Variants in ADAMTS12 observed in about 807,000 individuals in gnomAD.
ADAMTS12 encodes the protein A disintegrin and metalloproteinase with thrombospondin motifs 12.
In ADAMTS12, 118 loss-of-function variants were observed where a neutral mutation model predicts 167.8. The ratio of observed to expected loss-of-function variants is 0.70; its 90% CI spans 0.61 to 0.82. The LOEUF (loss-of-function observed/expected upper bound fraction) is 0.82. ADAMTS12 is among the 40% of genes least tolerant of loss of function. The pLI is 0.00. For synonymous variants in ADAMTS12, 704 were observed against 716.9 expected (o/e 0.98, Z 0.29); for missense variants, 1,916 against 1,998.8 (o/e 0.96, Z 0.79).
chr5:33,849,057 TATATATATATGTATTGCATAGCA>T (rs1460619900), intron 2 of ADAMTS12, among the ~76,000 whole-genome samples: 2 of 112,550 alleles, frequency 1.8e-5, no homozygotes, highest in African/African-American at 7.6e-5. Flanking sequence ...TGCATAGCAA[TATATATATATGTATTGCATAGCA>T]ATATATATAT....
intron 2 of ADAMTS12, among the ~76,000 whole-genome samples, chr5:33,830,688 A>G (rs1748264755): frequency 6.6e-6 from 1 of 152,086 alleles, no homozygotes. Context: ...GCTACTTGGG[A>G]GGCTGAGATG....
At chr5:33,702,127 A>C (rs1002841940) in intron 3 of ADAMTS12, among the ~76,000 whole-genome samples, 1 of 152,212 alleles carries the variant, frequency 6.6e-6, no homozygotes, top group Non-Finnish European at 1.5e-5. Flanking sequence ...GTATTCACAG[A>C]ACCTTAACGA....
At chr5:33,726,222 A>AG (rs2112344201) in intron 3 of ADAMTS12, among the ~76,000 whole-genome samples, 1 of 152,324 alleles carries the variant, frequency 6.6e-6, no homozygotes, top group South Asian at 2.1e-4. Context: ...GAAAGTGTCC[A>AG]GGGGACTAAT....
At chr5:33,756,975 A>C (rs1745193322) in intron 2 of ADAMTS12, among the ~76,000 whole-genome samples, 1 of 152,238 alleles carries the variant, frequency 6.6e-6, no homozygotes, top group African/African-American at 2.4e-5. Flanking sequence ...AGAGAAGCTG[A>C]ATTTTTAATT....
In ADAMTS12 at chr5:33,890,578, T is replaced by C. The variant is rs554912846; in HGVS notation, c.127+1152A>G. Among the ~76,000 whole-genome samples the C allele has an allele frequency of 5.3e-5, 8 of 152,222 alleles. No individual in the cohort carries two copies. In the South Asian group the frequency reaches 1.7e-3, roughly 32 times the overall value. Reference sequence around the variant, plus strand: ...AGGCTGGTGATGTTTATCACCCGAGTGGCCTTGGGAATTAAAGGGATGTCA... The same window carrying C: ...AGGCTGGTGATGTTTATCACCCGAGCGGCCTTGGGAATTAAAGGGATGTCA... On this transcript the variant is annotated intron_variant, in intron 1 of 23. Coordinates refer to ENST00000504830, the MANE Select transcript of ADAMTS12 (RefSeq NM_030955.4).
At chr5:33,610,204 AC>A (rs1738661505) in intron 16 of ADAMTS12, among the ~76,000 whole-genome samples, 1 of 151,786 alleles carries the variant, frequency 6.6e-6, no homozygotes, top group African/African-American at 2.4e-5. Flanking sequence ...AACAACAGCA[AC>A]AACAAAAAAG....
intron 2 of ADAMTS12, among the ~76,000 whole-genome samples, chr5:33,875,253 T>C (rs975306528): frequency 7.9e-5 from 12 of 152,206 alleles, no homozygotes; most frequent in Non-Finnish European, 1.8e-4. Context: ...ATGGTGGATA[T>C]ATGTCATTAT....
intron 3 of ADAMTS12, among the ~76,000 whole-genome samples, chr5:33,744,165 T>C (rs1030153044): frequency 1.3e-5 from 2 of 152,214 alleles, no homozygotes; most frequent in Non-Finnish European, 2.9e-5. Context: ...ACTGAGCTTC[T>C]TGTCTAGGGA....
chr5:33,764,608 A>G (rs2112415135), intron 2 of ADAMTS12, among the ~76,000 whole-genome samples: 1 of 152,340 alleles, frequency 6.6e-6, no homozygotes, highest in South Asian at 2.1e-4. Flanking sequence ...TTCCTTCATA[A>G]GAATTAAATT....
chr5:33,765,157 G>T (rs1451169273), intron 2 of ADAMTS12, among the ~76,000 whole-genome samples: 1 of 152,118 alleles, frequency 6.6e-6, no homozygotes, highest in Non-Finnish European at 1.5e-5. Flanking sequence ...CCCACCCTTA[G>T]ATTCAACAAG....
chr5:33,628,627 T>C (rs1230869547), intron 13 of ADAMTS12, among the ~76,000 whole-genome samples: 1 of 152,190 alleles, frequency 6.6e-6, no homozygotes, highest in Non-Finnish European at 1.5e-5. Context: ...ACTGCATACA[T>C]TGTTTTCCTG....
At chr5:33,872,912 T>A (rs1750093927) in intron 2 of ADAMTS12, among the ~76,000 whole-genome samples, 1 of 152,154 alleles carries the variant, frequency 6.6e-6, no homozygotes, top group Non-Finnish European at 1.5e-5. Context: ...TATGATAAAA[T>A]ATCTCAGTAA....
rs1743783289 is a variant in ADAMTS12, at chr5:33,525,712, ATGAGTCAG to A, written c.*1468_*1475del. The A allele has an allele frequency of 6.6e-6, 1 of 152,214 alleles. No homozygotes were observed. The highest frequency in any genetic ancestry group is 1.5e-5 in the Non-Finnish European group (1 of 68,038). 9.4% of individuals were successfully genotyped at this position (152,214 alleles called of 1,614,324 possible). On this transcript the variant is annotated 3_prime_UTR_variant, in exon 24 of 24. Coordinates refer to ENST00000504830, the MANE Select transcript of ADAMTS12 (RefSeq NM_030955.4). Reference sequence around the variant, plus strand: ...TGAGGAGTATTAAGTGTATCTGTGCATGAGTCAGAAAATATGCTGCCCATCACATGAAG... The same window carrying A: ...TGAGGAGTATTAAGTGTATCTGTGCAAAAATATGCTGCCCATCACATGAAG...
At chr5:33,585,111 T>C (rs1364400993) in intron 18 of ADAMTS12, among the ~76,000 whole-genome samples, 1 of 152,174 alleles carries the variant, frequency 6.6e-6, no homozygotes, top group Non-Finnish European at 1.5e-5. Context: ...CATAGGTTTT[T>C]ACAAAGTATC....
intron 3 of ADAMTS12, among the ~76,000 whole-genome samples, chr5:33,695,122 T>C (rs552281571): frequency 6.6e-6 from 1 of 152,346 alleles, no homozygotes; most frequent in South Asian, 2.1e-4. Flanking sequence ...TATTCTGTTT[T>C]CTTCAATCCT....
chr5:33,654,462 G>A (rs1740971103), intron 7 of ADAMTS12, among the ~76,000 whole-genome samples: 2 of 152,162 alleles, frequency 1.3e-5, no homozygotes, highest in Non-Finnish European at 2.9e-5. Context: ...TGGGGCCACT[G>A]CTTCAATACT....
chr5:33,626,540 T>C (rs1277256082), intron 13 of ADAMTS12, among the ~76,000 whole-genome samples: 1 of 146,912 alleles, frequency 6.8e-6, no homozygotes, highest in Admixed American at 6.8e-5. Flanking sequence ...GGTGATTTAA[T>C]GGTAATGATG....
At chr5:33,560,983 C>T (rs1745720895) in intron 20 of ADAMTS12, 44 bp downstream of exon 20, 5 of 1,607,646 alleles carry the variant, frequency 3.1e-6, no homozygotes, top group Non-Finnish European at 4.3e-6. Context: ...CAACCCATCC[C>T]CACCTTCTCT....
At chr5:33,619,897 G>A (rs564550629) in intron 14 of ADAMTS12, among the ~76,000 whole-genome samples, 23 of 152,262 alleles carry the variant, frequency 1.5e-4, no homozygotes, top group African/African-American at 5.3e-4. Flanking sequence ...GTTTCACCAC[G>A]TTGGCCAGGA....
Sources: allele counts gnomAD v4.1 joint callset (sites outside exome capture counted in the v4.1 genomes callset), GRCh38; gene constraint gnomAD v4.1.1; transcripts MANE v1.5; gene names NCBI Gene and HGNC (gene_info 2026-07-23, HGNC 2026-07-21).